Variants in LGSN observed in about 807,000 individuals in gnomAD.
LGSN encodes the protein lengsin, lens protein with glutamine synthetase domain, also known as lengsin.
In LGSN, 21 loss-of-function variants were observed where a neutral mutation model predicts 19.5. The ratio of observed to expected loss-of-function variants is 1.07; its 90% CI spans 0.76 to 1.55. The LOEUF is 1.55. Among genes scored for constraint, LGSN ranks in the 40% most tolerant of loss-of-function variants. The pLI is 0.00. For synonymous variants in LGSN, 257 were observed against 215.6 expected (o/e 1.19, Z -1.68); for missense variants, 673 against 608.5 (o/e 1.11, Z -1.12).
chr6:63,556,494 T>G, the LGSN span, among the ~76,000 whole-genome samples: 756 of 152,290 alleles, frequency 5.0e-3, no homozygotes, highest in Non-Finnish European at 7.7e-3. Flanking sequence ...TAAAACAACT[T>G]AACGATATTA....
At chr6:63,457,026 ACCT>A in the LGSN span, among the ~76,000 whole-genome samples, 1 of 152,062 alleles carries the variant, frequency 6.6e-6, no homozygotes, top group South Asian at 2.1e-4. Context: ...AAAATGCTTG[ACCT>A]CATTAAGGAA....
chr6:63,446,828 T>A, the LGSN span, among the ~76,000 whole-genome samples: 1 of 152,152 alleles, frequency 6.6e-6, no homozygotes, highest in East Asian at 1.9e-4. Context: ...GGCAGGTGGA[T>A]CACCTGAGGT....
chr6:63,491,017 A>C, the LGSN span, among the ~76,000 whole-genome samples: 1 of 151,952 alleles, frequency 6.6e-6, no homozygotes, highest in Non-Finnish European at 1.5e-5. Flanking sequence ...GCCTGCCCAC[A>C]GTGGTGAAGG....
chr6:63,530,693 C>T, the LGSN span, among the ~76,000 whole-genome samples: 1 of 152,096 alleles, frequency 6.6e-6, no homozygotes, highest in Non-Finnish European at 1.5e-5. Flanking sequence ...AAAACATATA[C>T]ATAGAAAAAT....
chr6:63,313,729 G>A lies in LGSN; in HGVS notation c.30+6185C>T, dbSNP rs1251646256. 4.0e-5 allele frequency among the ~76,000 whole-genome samples: 6 copies of A among 151,880 alleles called. No individual in the cohort carries two copies. The East Asian group carries it at 7.7e-4, about 20-fold the overall frequency. On this transcript the variant is annotated intron_variant, in intron 1 of 3. Coordinates refer to ENST00000370657, the MANE Select transcript of LGSN (RefSeq NM_016571.3). ...TGCACGCCTGTAATCCCAGCTACTC[G>A]GGAGACTGAGGCACAAGAATCACTT... is the stretch of plus-strand genomic sequence containing the variant.
At chr6:63,350,871 C>A in the LGSN span, among the ~76,000 whole-genome samples, 1 of 151,064 alleles carries the variant, frequency 6.6e-6, no homozygotes, top group African/African-American at 2.4e-5. Flanking sequence ...CAAACAAAAA[C>A]GAGTTCAGAC....
rs749131902 is a variant in LGSN, at chr6:63,294,929, A to G, written c.147T>C (p.Asp49=). 6.2e-7 allele frequency: 1 copy of G among 1,613,894 alleles called. No homozygotes were observed. Among genetic ancestry groups the G allele is most frequent in the Non-Finnish European group, 8.5e-7 (1 of 1,179,892 alleles). Residue 49 remains aspartate, a synonymous_variant, in exon 2 of 4, where the codon GAT becomes GAC. Coordinates refer to ENST00000370657, the MANE Select transcript of LGSN (RefSeq NM_016571.3). ...GTTAGATACCATTTGAATTGGACAT[A>G]TCCGTTTCTCCCACTTCAGTTGAAC... The part of the protein sequence containing the change: ...YVCSTEVGET[D]MSNSNDCMRD...
chr6:63,441,478 T>C, the LGSN span: 2 of 435,020 alleles, frequency 4.6e-6, no homozygotes. Flanking sequence ...TGAGAAGCCA[T>C]GGAAACAGCA....
At chr6:63,295,551 T>C (rs1767952360) in intron 1 of LGSN, among the ~76,000 whole-genome samples, 1 of 152,170 alleles carries the variant, frequency 6.6e-6, no homozygotes, top group African/African-American at 2.4e-5. Context: ...TTTACTTCAC[T>C]TCAAAAAAGT....
the LGSN span, among the ~76,000 whole-genome samples, chr6:63,519,798 A>C: frequency 6.6e-6 from 1 of 152,236 alleles, no homozygotes; most frequent in East Asian, 1.9e-4. Context: ...AACCAATAAG[A>C]AAATTAGAAA....
chr6:63,361,946 G>A, the LGSN span, among the ~76,000 whole-genome samples: 1 of 152,160 alleles, frequency 6.6e-6, no homozygotes, highest in Non-Finnish European at 1.5e-5. Context: ...GGTATTGTAT[G>A]TCAGGCACAC....
the LGSN span, among the ~76,000 whole-genome samples, chr6:63,548,149 T>C: frequency 6.6e-6 from 1 of 152,212 alleles, no homozygotes; most frequent in Non-Finnish European, 1.5e-5. Context: ...CTCAGTTAGA[T>C]GACCCTCTCT....
chr6:63,528,987 G>T, the LGSN span, among the ~76,000 whole-genome samples: 1 of 150,970 alleles, frequency 6.6e-6, no homozygotes, highest in Non-Finnish European at 1.5e-5. Flanking sequence ...TACTTGGGAG[G>T]CTGAGGCAAG....
chr6:63,572,715 T>C, the LGSN span: 6 of 398,482 alleles, frequency 1.5e-5, no homozygotes, highest in Non-Finnish European at 2.2e-5. Context: ...AGTAAACATA[T>C]TCCTGTGAGT....
At chr6:63,379,238 T>C in the LGSN span, among the ~76,000 whole-genome samples, 1 of 152,176 alleles carries the variant, frequency 6.6e-6, no homozygotes, top group East Asian at 1.9e-4. Context: ...AGATGGATCA[T>C]TCAGGCATAG....
chr6:63,402,076 A>C, the LGSN span, among the ~76,000 whole-genome samples: 2 of 152,196 alleles, frequency 1.3e-5, no homozygotes, highest in South Asian at 2.1e-4. Flanking sequence ...AAAAAATACT[A>C]TGAGAGTGAC....
At chr6:63,473,556 G>A in the LGSN span, among the ~76,000 whole-genome samples, 708 of 148,736 alleles carry the variant, frequency 4.8e-3, 9 homozygotes, top group Non-Finnish European at 5.2e-3. Flanking sequence ...CACCAGTCCT[G>A]CTCTCCCACC....
chr6:63,339,364 C>T, the LGSN span, among the ~76,000 whole-genome samples: 7 of 152,170 alleles, frequency 4.6e-5, no homozygotes, highest in Admixed American at 1.3e-4. Flanking sequence ...CTATATTGAG[C>T]GCACATATAT....
the LGSN span, among the ~76,000 whole-genome samples, chr6:63,539,065 G>GT: frequency 6.6e-6 from 1 of 151,720 alleles, no homozygotes; most frequent in Non-Finnish European, 1.5e-5. Context: ...GCTAATTTGT[G>GT]TTTTTTTAGT....
Sources: gnomAD v4.1 joint callset for allele counts (sites outside exome capture counted in the v4.1 genomes callset) on GRCh38, gnomAD v4.1.1 for gene constraint, MANE v1.5 for transcripts, NCBI Gene and HGNC (gene_info 2026-07-23, HGNC 2026-07-21) for gene names.